Variants in XPOT observed in about 807,000 individuals in gnomAD.
The protein encoded by XPOT is exportin-T.
In XPOT, 34 loss-of-function variants were observed where a neutral mutation model predicts 128.2. The observed-to-expected ratio is 0.27, with a 90% confidence interval of 0.20 to 0.35. XPOT has a LOEUF of 0.35. XPOT is among the 10% of genes least tolerant of loss of function. The pLI, the probability that XPOT is intolerant of heterozygous loss-of-function variation, is 1.00. For missense variants in XPOT, 838 were observed against 1,125.3 expected, an observed-to-expected ratio of 0.74 and a Z score of 3.65; for synonymous variants, 348 against 394.3, an observed-to-expected ratio of 0.88 and a Z score of 1.39.
intron 9 of XPOT, among the ~76,000 whole-genome samples, chr12:64,421,996 G>T (rs759086734): frequency 2.6e-5 from 4 of 152,012 alleles, no homozygotes; most frequent in Non-Finnish European, 5.9e-5. Flanking sequence ...ACTTTTAGTA[G>T]ACAGGGTTTC....
chr12:64,421,964 C>T (rs2040143169), intron 9 of XPOT, among the ~76,000 whole-genome samples: 1 of 152,132 alleles, frequency 6.6e-6, no homozygotes, highest in African/African-American at 2.4e-5. Context: ...AGGCATGCAC[C>T]ACCACATCCA....
At chr12:64,437,181 G>A (rs908981958) in intron 22 of XPOT, among the ~76,000 whole-genome samples, 10 of 152,130 alleles carry the variant, frequency 6.6e-5, no homozygotes, top group Non-Finnish European at 8.8e-5. Flanking sequence ...TACCTGCTAG[G>A]GTGGGGTAGG....
At chr12:64,415,747 C>G (rs1478798876) in intron 3 of XPOT, among the ~76,000 whole-genome samples, 1 of 152,032 alleles carries the variant, frequency 6.6e-6, no homozygotes, top group Non-Finnish European at 1.5e-5. Flanking sequence ...AATATTGGAC[C>G]ACAGTCTTTA....
At chr12:64,436,613 C>T (rs1258490534) in intron 22 of XPOT, among the ~76,000 whole-genome samples, 1 of 151,020 alleles carries the variant, frequency 6.6e-6, no homozygotes, top group Non-Finnish European at 1.5e-5. Context: ...TAGGTTCTCC[C>T]TGTGTTACCC....
At chr12:64,408,723 G>T (rs1210042165) in intron 1 of XPOT, among the ~76,000 whole-genome samples, 1 of 151,982 alleles carries the variant, frequency 6.6e-6, no homozygotes, top group Admixed American at 6.6e-5. Context: ...CTCCAGGCTG[G>T]AGTGCAGTGG....
At chr12:64,413,381 A>C (rs527959859) in intron 2 of XPOT, among the ~76,000 whole-genome samples, 2 of 152,206 alleles carry the variant, frequency 1.3e-5, no homozygotes, top group South Asian at 4.2e-4. Context: ...TTGACCCCCC[A>C]GAGTGTTGGG....
At position 64,410,224 on chromosome 12, in the gene XPOT, ATTTGAATATAT is replaced by A. The variant is rs1007748184; in HGVS notation, c.60+140_60+150del. 1.3e-5 allele frequency: 9 copies of A among 718,212 alleles called. No homozygotes were observed. In the African/African-American group the frequency reaches 1.4e-4, roughly 11 times the overall value. The allele number at this position is 718,212 out of a possible 1,614,324, so 44.5% of individuals were successfully genotyped here. A position where few individuals can be genotyped will look rare whatever the true frequency, so the allele number is the denominator to read the frequency against. On this transcript the variant is annotated intron_variant, in intron 2 of 24. Transcript: ENST00000332707. ...GAACAGAAACAAAAAAATTTGAGGT[ATTTGAATATAT>A]TTTGAATATAGAAACAGTGAGTGTT...
chr12:64,436,240 C>T (rs935879949), intron 22 of XPOT, among the ~76,000 whole-genome samples: 1 of 151,906 alleles, frequency 6.6e-6, no homozygotes, highest in East Asian at 1.9e-4. Flanking sequence ...GGATTACAGG[C>T]GTGAGCCACT....
At chr12:64,417,356 C>T (rs1047480053) in intron 4 of XPOT, among the ~76,000 whole-genome samples, 7 of 152,148 alleles carry the variant, frequency 4.6e-5, no homozygotes, top group African/African-American at 7.2e-5. Flanking sequence ...CCAGCCTAGG[C>T]AACATAGTGA....
chr12:64,435,829 G>A (rs925931318), intron 22 of XPOT, among the ~76,000 whole-genome samples, 155 bp downstream of exon 22: 1 of 152,090 alleles, frequency 6.6e-6, no homozygotes, highest in Non-Finnish European at 1.5e-5. Context: ...TCCATTTATT[G>A]TCCTTCATGT....
intron 4 of XPOT, among the ~76,000 whole-genome samples, chr12:64,417,670 T>C (rs1344523532): frequency 6.6e-6 from 1 of 152,254 alleles, no homozygotes; most frequent in East Asian, 1.9e-4. Context: ...AGTAGCTGCA[T>C]GGGCACTTGT....
rs1252664353 is a variant in XPOT at position 64,404,403 on chromosome 12, G to A, written c.-476G>A. 1.3e-5 allele frequency: 2 copies of A among 152,202 alleles called. No individual in the cohort carries two copies. Among genetic ancestry groups the A allele is most frequent in the Non-Finnish European group, 2.9e-5 (2 of 67,932 alleles). The allele number at this position is 152,202 out of a possible 1,614,324, so 9.4% of individuals were successfully genotyped here. ...GGGCTGCCGCCCGCACTCTCCAAGAGACTGCTGGCGCCGGCGCCCGCCCGC... is the reference window on the plus strand; with the variant it reads ...GGGCTGCCGCCCGCACTCTCCAAGAAACTGCTGGCGCCGGCGCCCGCCCGC... On this transcript the variant is annotated 5_prime_UTR_variant, in exon 1 of 25. Coordinates refer to ENST00000332707, the MANE Select transcript of XPOT (RefSeq NM_007235.6).
intron 12 of XPOT, 76 bp downstream of exon 12, chr12:64,424,799 A>G: frequency 6.5e-7 from 1 of 1,548,654 alleles, no homozygotes; most frequent in South Asian, 1.2e-5. Context: ...TAAATGATTC[A>G]TATGACTTAT....
At chr12:64,414,865 T>C (rs2040073019) in intron 2 of XPOT, 42 bp from the exon 3 acceptor site, 2 of 1,226,162 alleles carry the variant, frequency 1.6e-6, no homozygotes, top group Non-Finnish European at 2.4e-6. Context: ...GGCATTGAGA[T>C]TGTTTATTCT....
At position 64,429,073 on chromosome 12, in the gene XPOT, A is replaced by C. The variant is rs148996566; in HGVS notation, c.1737+953A>C. Among the ~76,000 whole-genome samples the C allele has an allele frequency of 4.8e-3, 731 of 152,354 alleles. 5 individuals carry two copies. The highest frequency in any genetic ancestry group is 0.017 in the African/African-American group (687 of 41,588). On this transcript the variant is annotated intron_variant, in intron 16 of 24. Coordinates refer to ENST00000332707, the MANE Select transcript of XPOT (RefSeq NM_007235.6). The stretch of plus-strand genomic sequence containing the variant: ...ACATATGCAGTCACCCAAAGAACTG[A>C]GATCACAAGAAATTTTATGTTTCAC...
intron 23 of XPOT, among the ~76,000 whole-genome samples, chr12:64,444,213 C>A (rs1186548980): frequency 1.3e-5 from 2 of 152,112 alleles, no homozygotes; most frequent in African/African-American, 2.4e-5. Flanking sequence ...ATGTGAGCAG[C>A]CGTAGCAATG....
chr12:64,417,642 A>G (rs193068433), intron 4 of XPOT, among the ~76,000 whole-genome samples: 4 of 152,210 alleles, frequency 2.6e-5, no homozygotes, highest in Non-Finnish European at 5.9e-5. Flanking sequence ...TCTACATGAC[A>G]ATTCTCTCTT....
intron 23 of XPOT, 25 bp downstream of exon 23, chr12:64,439,340 G>T: frequency 6.3e-7 from 1 of 1,599,090 alleles, no homozygotes; most frequent in Non-Finnish European, 8.6e-7. Flanking sequence ...TTACCATTGT[G>T]TAGGCGAGAG....
chr12:64,445,617 G>C (rs1372126958), intron 24 of XPOT, among the ~76,000 whole-genome samples: 1 of 151,984 alleles, frequency 6.6e-6, no homozygotes. Flanking sequence ...GGTATTCATA[G>C]TTATAATTGA....
Sources: gnomAD v4.1 joint callset for allele counts (sites outside exome capture counted in the v4.1 genomes callset) on GRCh38, gnomAD v4.1.1 for gene constraint, MANE v1.5 for transcripts, NCBI Gene and HGNC (gene_info 2026-07-23, HGNC 2026-07-21) for gene names.